CHRNA6: variants seen among roughly 807,000 people sequenced by gnomAD.
The protein encoded by CHRNA6 is neuronal acetylcholine receptor subunit alpha-6.
In CHRNA6, 31 loss-of-function variants were observed where a neutral mutation model predicts 40.9. The ratio of observed to expected loss-of-function variants is 0.76; its 90% CI spans 0.57 to 1.02. The LOEUF (loss-of-function observed/expected upper bound fraction) is 1.02. CHRNA6 is among the 50% of genes least tolerant of loss of function. The pLI, the probability that CHRNA6 is intolerant of heterozygous loss-of-function variation, is 0.00. For missense variants in CHRNA6, 546 were observed against 596.6 expected, an observed-to-expected ratio of 0.92 and a Z score of 0.88; for synonymous variants, 222 against 221.3, an observed-to-expected ratio of 1.00 and a Z score of -0.03.
chr8:42,754,550 G>A (rs944045373), intron 5 of CHRNA6, among the ~76,000 whole-genome samples: 3 of 151,920 alleles, frequency 2.0e-5, no homozygotes, highest in African/African-American at 4.8e-5. Context: ...TCTCTTGTCC[G>A]GTGACACATC....
intron 2 of CHRNA6, among the ~76,000 whole-genome samples, chr8:42,764,618 C>G (rs377677997): frequency 6.6e-6 from 1 of 152,160 alleles, no homozygotes. Flanking sequence ...TGAGCCACCA[C>G]GCCCGGCCTT....
intron 1 of CHRNA6, among the ~76,000 whole-genome samples, chr8:42,766,882 TAAAATA>T: frequency 6.6e-6 from 1 of 152,334 alleles, no homozygotes; most frequent in East Asian, 1.9e-4. Context: ...ACCCCAGACT[TAAAATA>T]AAACAAAAAT....
chr8:42,762,621 C>T (rs757560539), intron 2 of CHRNA6, among the ~76,000 whole-genome samples: 9 of 152,154 alleles, frequency 5.9e-5, no homozygotes, highest in Non-Finnish European at 1.0e-4. Flanking sequence ...TGCACCCCAG[C>T]CTGGGTGACA....
In CHRNA6 at chr8:42,756,101, G is replaced by A. The variant is rs1156800138; in HGVS notation, c.1098C>T (p.Gly366=). Residue 366 remains glycine (G), a synonymous_variant, in exon 5 of 6, where the codon GGC becomes GGT. Transcript: ENST00000276410. The part of the protein sequence containing the change: ...RWPLDKTRGT[G]SDAVPRGLAR... ...CAAGGCCTCTGGGCACTGCATCAGA[G>A]CCTGTGCCCCTTGTCTTGTCCAGAG... The A allele has an allele frequency of 2.5e-6, 4 of 1,614,266 alleles. No homozygotes were observed. Among genetic ancestry groups the A allele is most frequent in the Middle Eastern group, 1.6e-4 (1 of 6,062 alleles).
chr8:42,755,955 G>A lies in CHRNA6; in HGVS notation c.1244C>T (p.Pro415Leu), dbSNP rs1194462672. 3.7e-6 allele frequency: 6 copies of A among 1,614,088 alleles called. No homozygotes were observed. The highest frequency in any genetic ancestry group is 1.7e-5 in the Admixed American group (1 of 60,004). The change falls in exon 5 of 6, where the codon CCA (proline) becomes CTA (leucine). Residue 415 changes from proline (P) to leucine (L), a missense_variant. By Grantham distance (98) the Pro-to-Leu change is moderately conservative. Transcript: ENST00000276410. ...CGAATTTTCCACCACCCACTGTAAT[G>A]GCTGATGACTTAATCTTCTCTTGCT... ...ATSKRRLSHQ[P>L]LQWVVENSEH...
chr8:42,766,047 C>G (rs1816971205), intron 1 of CHRNA6, among the ~76,000 whole-genome samples: 3 of 152,158 alleles, frequency 2.0e-5, no homozygotes, highest in Admixed American at 2.0e-4. Context: ...TACCATTTTA[C>G]CCAGCAATCC....
At chr8:42,758,564 A>G (rs1012047309) in intron 3 of CHRNA6, among the ~76,000 whole-genome samples, 1 of 152,068 alleles carries the variant, frequency 6.6e-6, no homozygotes, top group Non-Finnish European at 1.5e-5. Context: ...TCATTTCACC[A>G]TGTTGGCCAA....
At chr8:42,765,615 T>C (rs1816965914) in intron 1 of CHRNA6, among the ~76,000 whole-genome samples, 1 of 152,190 alleles carries the variant, frequency 6.6e-6, no homozygotes, top group African/African-American at 2.4e-5. Context: ...CTGTCCTTTC[T>C]TGTCTAAAAT....
intron 2 of CHRNA6, among the ~76,000 whole-genome samples, chr8:42,762,180 G>A (rs1308308586): frequency 1.3e-5 from 2 of 152,132 alleles, no homozygotes; most frequent in East Asian, 1.9e-4. Context: ...CACTTCTCTC[G>A]GCCACCCCAA....
chr8:42,755,882 T>C lies in CHRNA6; in HGVS notation c.1317A>G (p.Ile439Met), dbSNP rs1816791310. The change falls in exon 5 of 6, where the codon ATA becomes ATG. Residue 439 changes from isoleucine (I) to methionine (M), a missense_variant. Physicochemically the swap from Ile to Met is conservative, Grantham distance 10 (BLOSUM62 1). This residue lies in a region of CHRNA6 where 65 missense variants were observed against 83.8 expected (regional missense o/e 0.78). Transcript: ENST00000276410. ...VEDVINSVQF[I>M]AENMKSHNET... ...CATTGTGGCTCTTCATGTTTTCTGC[T>C]ATGAACTGAACACTGTTAATCACAT... 6.2e-7 allele frequency: 1 copy of C among 1,614,104 alleles called. No homozygotes were observed. Among genetic ancestry groups the C allele is most frequent in the Non-Finnish European group, 8.5e-7 (1 of 1,180,034 alleles).
chr8:42,765,798 G>A (rs1816968199), intron 1 of CHRNA6, among the ~76,000 whole-genome samples: 1 of 152,244 alleles, frequency 6.6e-6, no homozygotes, highest in East Asian at 1.9e-4. Context: ...CATTTATGTG[G>A]CCAAGAAACA....
In CHRNA6 at chr8:42,757,015, C is replaced by T. The variant is rs188620180; in HGVS notation, c.287G>A (p.Arg96His). 18 of 1,612,024 alleles carry T rather than the reference C, an allele frequency of 1.1e-5. No individual in the cohort carries two copies. Among genetic ancestry groups the T allele is most frequent in the African/African-American group, 2.7e-5 (2 of 74,996 alleles). ...LRHIWNDYKL[R>H]WDPMEYDGIE... ...GCCATCATATTCCATTGGATCCCAG[C>T]GCAATTTATAATCATTCCAGATCTA... The change falls in exon 4 of 6, where the codon CGC (arginine) becomes CAC (histidine). Residue 96 changes from arginine (R) to histidine (H), a missense_variant. Transcript: ENST00000276410.
chr8:42,759,910 A>G (rs1431600628), intron 2 of CHRNA6, among the ~76,000 whole-genome samples: 1 of 151,914 alleles, frequency 6.6e-6, no homozygotes, highest in African/African-American at 2.4e-5. Context: ...AAAAAAAAAA[A>G]AAAAGTCAGC....
intron 1 of CHRNA6, among the ~76,000 whole-genome samples, chr8:42,767,322 A>C (rs1205262280): frequency 6.6e-6 from 1 of 152,220 alleles, no homozygotes; most frequent in Non-Finnish European, 1.5e-5. Context: ...ACTTTCAGTC[A>C]CTAAATTCTA....
At chr8:42,753,382 A>G (rs1816750408) in intron 5 of CHRNA6, 72 bp from the exon 6 acceptor site, 18 of 1,337,858 alleles carry the variant, frequency 1.3e-5, no homozygotes, top group Non-Finnish European at 1.8e-5. Flanking sequence ...TGTTTCATCA[A>G]TAAGCTGCTT....
At position 42,756,198 on chromosome 8, in the gene CHRNA6, G is replaced by T; in HGVS notation, c.1001C>A (p.Thr334Lys). The T allele has an allele frequency of 4.3e-6, 7 of 1,614,230 alleles. No homozygotes were observed. The highest frequency in any genetic ancestry group is 5.9e-6 in the Non-Finnish European group (7 of 1,180,054). Residue 334 changes from threonine (T) to lysine (K), a missense_variant, in exon 5 of 6, where the codon ACG becomes AAG. Transcript: ENST00000276410. Reference protein sequence around the residue: ...VLNIHYRTPTTHTMPRWVKTV... With the variant: ...VLNIHYRTPTKHTMPRWVKTV... Reference sequence around the variant, plus strand: ...CTTCACCCACCTGGGCATTGTGTGCGTGGTTGGGGTGCGGTAGTGTATGTT... The same window carrying T: ...CTTCACCCACCTGGGCATTGTGTGCTTGGTTGGGGTGCGGTAGTGTATGTT...
intron 3 of CHRNA6, among the ~76,000 whole-genome samples, chr8:42,757,611 T>A (rs1375462938): frequency 1.3e-5 from 2 of 148,902 alleles, no homozygotes; most frequent in Non-Finnish European, 3.0e-5. Flanking sequence ...TGGTTGCCTG[T>A]AGTCCCAGCT....
At chr8:42,761,654 C>CT (rs1192226893) in intron 2 of CHRNA6, among the ~76,000 whole-genome samples, 5 of 152,230 alleles carry the variant, frequency 3.3e-5, no homozygotes, top group African/African-American at 1.2e-4. Context: ...CAGGACCTGT[C>CT]TGGCAAGTCA....
intron 1 of CHRNA6, among the ~76,000 whole-genome samples, chr8:42,767,696 T>G (rs902542160): frequency 6.6e-6 from 1 of 152,234 alleles, no homozygotes; most frequent in Non-Finnish European, 1.5e-5. Flanking sequence ...TTAATCATGA[T>G]GAACATATTT....
Sources: gnomAD v4.1 joint callset for allele counts (sites outside exome capture counted in the v4.1 genomes callset) on GRCh38, gnomAD v4.1.1 for gene constraint, gnomAD v4.1.1 regional missense constraint, MANE v1.5 for transcripts, NCBI Gene and HGNC (gene_info 2026-07-23, HGNC 2026-07-21) for gene names.